Variants in WARS2 observed in about 807,000 individuals in gnomAD.
WARS2 encodes the protein tryptophanyl tRNA synthetase 2, mitochondrial.
A neutral mutation model predicts 36.5 loss-of-function variants in WARS2; 28 were observed. The observed-to-expected ratio is 0.77, with a 90% CI of 0.57 to 1.05. WARS2 has a LOEUF of 1.05. Among genes scored for constraint, WARS2 ranks in the 50% least tolerant of loss-of-function variants. The pLI is 0.00. For missense variants in WARS2, 435 were observed against 456.8 expected, an observed-to-expected ratio of 0.95 and a Z score of 0.44; for synonymous variants, 174 against 178.4, an observed-to-expected ratio of 0.98 and a Z score of 0.20.
intron 1 of WARS2, chr1:119,085,712 G>A (rs776865144): frequency 4.9e-4 from 755 of 1,530,208 alleles, no homozygotes; most frequent in Middle Eastern, 1.4e-3. Context: ...CATAGCAGAG[G>A]AAACAGAATC....
At chr1:119,104,318 T>C (rs1654088023) in intron 1 of WARS2, among the ~76,000 whole-genome samples, 1 of 151,418 alleles carries the variant, frequency 6.6e-6, no homozygotes, top group African/African-American at 2.4e-5. Context: ...ACTGGTGTCC[T>C]TGCCTCCATT....
At chr1:119,070,906 G>A (rs1651254385) in intron 2 of WARS2, among the ~76,000 whole-genome samples, 1 of 152,090 alleles carries the variant, frequency 6.6e-6, no homozygotes, top group South Asian at 2.1e-4. Context: ...TAACAAGCCA[G>A]GTGTGGTGGC....
chr1:119,137,184 A>G (rs920572744), intron 1 of WARS2, among the ~76,000 whole-genome samples: 11 of 152,204 alleles, frequency 7.2e-5, no homozygotes, highest in Non-Finnish European at 1.5e-5. Context: ...CTTGATTTTG[A>G]TAACTGTATT....
At chr1:119,050,498 A>G (rs1164839308) in intron 2 of WARS2, among the ~76,000 whole-genome samples, 1 of 152,222 alleles carries the variant, frequency 6.6e-6, no homozygotes, top group East Asian at 1.9e-4. Context: ...CTAATATATC[A>G]TGCTATAGTA....
chr1:119,137,853 C>A (rs963402285), intron 1 of WARS2, among the ~76,000 whole-genome samples: 1 of 152,100 alleles, frequency 6.6e-6, no homozygotes, highest in Non-Finnish European at 1.5e-5. Context: ...CATCTGCATC[C>A]TCTGAGATAA....
chr1:119,033,521 T>G (rs1383564833), intron 5 of WARS2, 162 bp from the exon 6 acceptor site: 3 of 820,820 alleles, frequency 3.7e-6, no homozygotes, highest in Non-Finnish European at 5.8e-6. Context: ...AAACTGTACT[T>G]GAAATACCCA....
intron 1 of WARS2, among the ~76,000 whole-genome samples, chr1:119,092,732 T>C (rs886938086): frequency 6.6e-6 from 1 of 152,226 alleles, no homozygotes; most frequent in Non-Finnish European, 1.5e-5. Context: ...AAAATTTTAA[T>C]AGTACTGATT....
At position 119,059,612 on chromosome 1, in the gene WARS2, T is replaced by C. The variant is rs529121016; in HGVS notation, c.349-13950A>G. Among the ~76,000 whole-genome samples, 10 of 152,364 alleles carry C rather than the reference T, an allele frequency of 6.6e-5. No individual in the cohort carries two copies. The South Asian group carries it at 2.1e-3, about 32-fold the overall frequency. On this transcript the variant is annotated intron_variant, in intron 2 of 5. Coordinates refer to ENST00000235521, the MANE Select transcript of WARS2 (RefSeq NM_015836.4). ...GCTTCAAAAGGCAGTATAAGTCCTC[T>C]AGTTGTGTTTTCTTTTTCAAAGCTG...
chr1:119,127,234 T>A, intron 1 of WARS2: 1 of 760,400 alleles, frequency 1.3e-6, no homozygotes, highest in South Asian at 1.4e-5. Flanking sequence ...TCGACCACTT[T>A]CTTCTTGGCT....
intron 2 of WARS2, among the ~76,000 whole-genome samples, chr1:119,072,572 T>C (rs1432570737): frequency 1.3e-5 from 2 of 152,098 alleles, no homozygotes; most frequent in Non-Finnish European, 2.9e-5. Context: ...TAAATTAAAA[T>C]TTGATGAACA....
At chr1:119,122,468 A>G (rs917116774) in intron 1 of WARS2, among the ~76,000 whole-genome samples, 8 of 152,306 alleles carry the variant, frequency 5.3e-5, no homozygotes, top group South Asian at 2.1e-4. Context: ...TACAACCACT[A>G]TGGAAAACAC....
At chr1:119,085,923 T>C in intron 1 of WARS2, 1 of 1,610,540 alleles carries the variant, frequency 6.2e-7, no homozygotes, top group Non-Finnish European at 8.5e-7. Flanking sequence ...ATTCAGCTCA[T>C]TGATCAGCTT....
chr1:119,118,766 G>C (rs1313531513), intron 1 of WARS2, among the ~76,000 whole-genome samples: 1 of 148,944 alleles, frequency 6.7e-6, no homozygotes, highest in African/African-American at 2.5e-5. Context: ...AAGGGATTGG[G>C]GTCCTATTTT....
At chr1:119,100,746 G>T (rs1008630982) in intron 1 of WARS2, among the ~76,000 whole-genome samples, 5 of 151,976 alleles carry the variant, frequency 3.3e-5, no homozygotes. Context: ...CTGTAGCTTC[G>T]ACCTCCCAAG....
intron 1 of WARS2, among the ~76,000 whole-genome samples, chr1:119,102,856 T>C (rs1361568817): frequency 6.6e-6 from 1 of 152,256 alleles, no homozygotes; most frequent in Non-Finnish European, 1.5e-5. Context: ...CAATGATCTC[T>C]TTGAATCTAT....
chr1:119,045,245 G>C (rs557551683), intron 3 of WARS2, among the ~76,000 whole-genome samples: 20 of 152,234 alleles, frequency 1.3e-4, no homozygotes, highest in African/African-American at 4.8e-4. Context: ...AATTCCAGTG[G>C]AAATGGGAGG....
chr1:119,046,415 C>G (rs930999252), intron 2 of WARS2, among the ~76,000 whole-genome samples: 2 of 147,622 alleles, frequency 1.4e-5, no homozygotes, highest in African/African-American at 5.0e-5. Flanking sequence ...GTGGTGTGAT[C>G]TCAGTTCACA....
chr1:119,032,641 C>G lies in WARS2; in HGVS notation c.*270G>C. 3 of 462,818 alleles carry G rather than the reference C, an allele frequency of 6.5e-6. No individual in the cohort carries two copies. The South Asian group carries it at 8.5e-5, about 13-fold the overall frequency. The allele number at this position is 462,818 out of a possible 1,614,324, so 28.7% of individuals were successfully genotyped here. On this transcript the variant is annotated 3_prime_UTR_variant, in exon 6 of 6. Transcript: ENST00000235521. ...TTACTTCAATCACATTTCTGCAGGC[C>G]AAGGAGTGTGCCTCAATAATTGGGG... is the stretch of plus-strand genomic sequence containing the variant.
intron 2 of WARS2, among the ~76,000 whole-genome samples, chr1:119,066,545 T>C (rs923725557): frequency 1.3e-5 from 2 of 148,198 alleles, no homozygotes; most frequent in African/African-American, 5.0e-5. Context: ...AAAGGATTGG[T>C]ACTCAGAATA....
Sources: gnomAD v4.1 joint callset for allele counts (sites outside exome capture counted in the v4.1 genomes callset) on GRCh38, gnomAD v4.1.1 for gene constraint, MANE v1.5 for transcripts, NCBI Gene and HGNC (gene_info 2026-07-23, HGNC 2026-07-21) for gene names.